The following ETV6 variants were observed in gnomAD, a reference collection of about 807,000 sequenced individuals.
ETV6 encodes the protein ETS variant transcription factor 6, also known as transcription factor ETV6.
A neutral mutation model predicts 51.1 loss-of-function variants in ETV6; 16 were observed. The observed-to-expected ratio is 0.31, with a 90% CI of 0.21 to 0.48. ETV6 has a LOEUF of 0.48. ETV6 is among the 20% of genes least tolerant of loss of function. The probability of loss-of-function intolerance (pLI) is 0.99; values close to 1 mark genes in which losing one functional copy is unlikely to be tolerated. For synonymous variants in ETV6, 240 were observed against 224.1 expected (o/e 1.07, Z -0.64); for missense variants, 458 against 594.8 (o/e 0.77, Z 2.39).
At chr12:11,759,646 CGTCTGT>C (rs1945054964) in intron 2 of ETV6, among the ~76,000 whole-genome samples, 1 of 152,190 alleles carries the variant, frequency 6.6e-6, no homozygotes, top group Non-Finnish European at 1.5e-5. Flanking sequence ...ACCCTCAATA[CGTCTGT>C]GGTCTTTCTC....
intron 2 of ETV6, among the ~76,000 whole-genome samples, chr12:11,824,801 G>A (rs752609193): frequency 4.6e-5 from 7 of 152,096 alleles, no homozygotes; most frequent in Non-Finnish European, 8.8e-5. Context: ...AAAGGATGGG[G>A]CAGCAGAGAC....
rs924859610 is a variant in ETV6 at position 11,741,379 on chromosome 12, C to T, written c.34-11071C>T. 5.3e-5 allele frequency among the ~76,000 whole-genome samples: 8 copies of T among 152,210 alleles called. 1 individual carries two copies. In the South Asian group the frequency reaches 6.2e-4, roughly 12 times the overall value. The stretch of plus-strand genomic sequence containing the variant: ...TGGAGCTTGATCACATGAAGATGGA[C>T]AGACACAGCCTTTTGGATGCGAGAG... On this transcript the variant is annotated intron_variant, in intron 1 of 7. Coordinates refer to ENST00000396373, the MANE Select transcript of ETV6 (RefSeq NM_001987.5).
At chr12:11,816,023 G>A (rs958705062) in intron 2 of ETV6, among the ~76,000 whole-genome samples, 3 of 152,144 alleles carry the variant, frequency 2.0e-5, no homozygotes, top group African/African-American at 7.2e-5. Context: ...ATTTTGAAGT[G>A]TATGTGGTTC....
chr12:11,778,055 G>A (rs2136363392), intron 2 of ETV6, among the ~76,000 whole-genome samples: 1 of 152,190 alleles, frequency 6.6e-6, no homozygotes, highest in African/African-American at 2.4e-5. Context: ...TACGTGACCT[G>A]GAACTTCTCT....
At chr12:11,851,110 C>T (rs1359000538) in intron 3 of ETV6, among the ~76,000 whole-genome samples, 2 of 152,138 alleles carry the variant, frequency 1.3e-5, no homozygotes, top group African/African-American at 4.8e-5. Context: ...CCCACCTCTG[C>T]AGTCAGCACC....
chr12:11,883,272 T>TCTTCTA, intron 5 of ETV6, among the ~76,000 whole-genome samples: 1 of 29,044 alleles, frequency 3.4e-5, no homozygotes, highest in South Asian at 1.4e-3. Flanking sequence ...CATCATGTCT[T>TCTTCTA]CTTCTTTTTT....
At chr12:11,781,332 C>G (rs948771876) in intron 2 of ETV6, among the ~76,000 whole-genome samples, 4 of 152,168 alleles carry the variant, frequency 2.6e-5, no homozygotes, top group Non-Finnish European at 5.9e-5. Context: ...TTCCCTGCCC[C>G]CTTTTCGTCC....
intron 1 of ETV6, 55 bp downstream of exon 1, chr12:11,650,215 A>G: frequency 1.3e-6 from 2 of 1,510,150 alleles, no homozygotes; most frequent in South Asian, 1.1e-5. Flanking sequence ...TGCACCGGCC[A>G]GGGCAGTCGT....
chr12:11,668,391 CA>C (rs1452241798), intron 1 of ETV6, among the ~76,000 whole-genome samples: 2 of 145,764 alleles, frequency 1.4e-5, no homozygotes, highest in African/African-American at 5.3e-5. Context: ...AAGGACTTCG[CA>C]CTGTTTTGTT....
intron 2 of ETV6, among the ~76,000 whole-genome samples, chr12:11,754,064 A>G (rs1276172565): frequency 8.5e-5 from 13 of 152,250 alleles, no homozygotes. Context: ...GCCAAGTGAT[A>G]GGAAATTTTC....
At chr12:11,715,714 CAT>C (rs1395382614) in intron 1 of ETV6, among the ~76,000 whole-genome samples, 2 of 152,196 alleles carry the variant, frequency 1.3e-5, no homozygotes, top group African/African-American at 4.8e-5. Flanking sequence ...CTTTGATAAT[CAT>C]AAATTGAGGA....
intron 1 of ETV6, among the ~76,000 whole-genome samples, chr12:11,686,141 T>C (rs1292287474): frequency 6.6e-6 from 1 of 152,266 alleles, no homozygotes; most frequent in Non-Finnish European, 1.5e-5. Flanking sequence ...ACCAGTCAGC[T>C]ACATTAAAAG....
At chr12:11,875,213 C>T (rs1482329244) in intron 5 of ETV6, among the ~76,000 whole-genome samples, 1 of 152,128 alleles carries the variant, frequency 6.6e-6, no homozygotes, top group African/African-American at 2.4e-5. Context: ...GTGTCACTTA[C>T]TTTGCAAAGG....
intron 2 of ETV6, among the ~76,000 whole-genome samples, chr12:11,802,900 C>A (rs1044227053): frequency 3.0e-4 from 46 of 152,146 alleles, no homozygotes; most frequent in African/African-American, 1.1e-3. Context: ...GACCTATAAG[C>A]CCATTATTGT....
At position 11,860,108 on chromosome 12, in the gene ETV6, G is replaced by A. The variant is rs558861843; in HGVS notation, c.463+6547G>A. ...CACTGGCTGTCACCTACCCCCTGAGGAGCCAGCCCCTCAGTGCAGGTCACG... is the reference window on the plus strand; with the variant it reads ...CACTGGCTGTCACCTACCCCCTGAGAAGCCAGCCCCTCAGTGCAGGTCACG... On this transcript the variant is annotated intron_variant, in intron 4 of 7. Coordinates refer to ENST00000396373, the MANE Select transcript of ETV6 (RefSeq NM_001987.5). 5.9e-5 allele frequency among the ~76,000 whole-genome samples: 9 copies of A among 152,252 alleles called. 1 individual carries two copies. The South Asian group carries it at 1.7e-3, about 28-fold the overall frequency.
rs1391135308 is a variant in ETV6, at chr12:11,649,907, G to A, written c.-221G>A. ...ACCTGCAGACCCCGCCGCCGCGCTC[G>A]GGCCCGTCTCCCACGCCCCCGCCGC... On this transcript the variant is annotated 5_prime_UTR_variant, in exon 1 of 8. Coordinates refer to ENST00000396373, the MANE Select transcript of ETV6 (RefSeq NM_001987.5). 14 of 176,316 alleles carry A rather than the reference G, an allele frequency of 7.9e-5. No individual in the cohort carries two copies. Among genetic ancestry groups the A allele is most frequent in the East Asian group, 1.4e-4 (1 of 7,218 alleles). 10.9% of individuals were successfully genotyped at this position (176,316 alleles called of 1,614,324 possible).
rs543551933 is a variant in ETV6 at position 11,728,358 on chromosome 12, G to A, written c.34-24092G>A. 1.4e-4 allele frequency among the ~76,000 whole-genome samples: 21 copies of A among 152,332 alleles called. No homozygotes were observed. In the South Asian group the frequency reaches 4.3e-3, roughly 32 times the overall value. ...TCCGTGGCCTTTTAGGAACTGGGCC[G>A]CACAGCAGGAGGTGAGTGGCGGGCA... On this transcript the variant is annotated intron_variant, in intron 1 of 7. Transcript: ENST00000396373.
rs1391185393 is a variant in ETV6, at chr12:11,649,769, G to C, written c.-359G>C. 6.8e-6 allele frequency: 1 copy of C among 146,850 alleles called. No individual in the cohort carries two copies. Among genetic ancestry groups the C allele is most frequent in the Non-Finnish European group, 1.5e-5 (1 of 66,014 alleles). 9.1% of individuals were successfully genotyped at this position (146,850 alleles called of 1,614,324 possible). On this transcript the variant is annotated 5_prime_UTR_variant, in exon 1 of 8. Coordinates refer to ENST00000396373, the MANE Select transcript of ETV6 (RefSeq NM_001987.5). Reference sequence around the variant, plus strand: ...CTCTCTTCCAGGAAGGAAAACATTCGAGAGAGCGAGGGAGAGCCGCGGGAG... The same window carrying C: ...CTCTCTTCCAGGAAGGAAAACATTCCAGAGAGCGAGGGAGAGCCGCGGGAG...
intron 1 of ETV6, among the ~76,000 whole-genome samples, chr12:11,708,540 C>G (rs934660953): frequency 1.3e-5 from 2 of 152,198 alleles, no homozygotes; most frequent in African/African-American, 4.8e-5. Flanking sequence ...CAGACTCCCC[C>G]CTGTCTTGTG....
Sources: gnomAD v4.1 joint callset for allele counts (sites outside exome capture counted in the v4.1 genomes callset) on GRCh38, gnomAD v4.1.1 for gene constraint, MANE v1.5 for transcripts, NCBI Gene and HGNC (gene_info 2026-07-23, HGNC 2026-07-21) for gene names.